The following KCNH1 variants were observed in gnomAD, a reference collection of about 807,000 sequenced individuals.
The protein encoded by KCNH1 is voltage-gated delayed rectifier potassium channel KCNH1.
Under a neutral mutation model 69.2 loss-of-function variants are expected in KCNH1, and 27 were observed. The observed-to-expected ratio is 0.39, with a 90% CI of 0.29 to 0.54. The LOEUF is 0.54. KCNH1 is among the 20% of genes least tolerant of loss of function. The pLI, the probability that KCNH1 is intolerant of heterozygous loss-of-function variation, is 0.68. For missense variants in KCNH1, 798 were observed against 1,261.6 expected, an observed-to-expected ratio of 0.63 and a Z score of 5.57; for synonymous variants, 456 against 487.7, an observed-to-expected ratio of 0.93 and a Z score of 0.86.
intron 10 of KCNH1, among the ~76,000 whole-genome samples, chr1:210,714,703 C>T (rs1307666165): frequency 6.6e-6 from 1 of 152,176 alleles, no homozygotes; most frequent in East Asian, 1.9e-4. Flanking sequence ...ATGATACCAT[C>T]CCTGCCTTCA....
intron 5 of KCNH1, among the ~76,000 whole-genome samples, chr1:211,065,569 A>G (rs1028280946): frequency 6.6e-6 from 1 of 152,188 alleles, no homozygotes; most frequent in African/African-American, 2.4e-5. Flanking sequence ...ATTGTATAAC[A>G]TGATGACTAT....
At chr1:211,124,875 G>C (rs1691750949) in intron 1 of KCNH1, among the ~76,000 whole-genome samples, 1 of 152,186 alleles carries the variant, frequency 6.6e-6, no homozygotes, top group Admixed American at 6.5e-5. Flanking sequence ...CTTGGTATAA[G>C]CAGTTTTCAA....
chr1:211,054,317 C>A (rs1571610874), intron 5 of KCNH1, among the ~76,000 whole-genome samples: 3 of 151,930 alleles, frequency 2.0e-5, no homozygotes, highest in African/African-American at 7.2e-5. Flanking sequence ...AAACAAAAAT[C>A]TCAATGAACA....
At chr1:210,813,373 T>C (rs576134284) in intron 7 of KCNH1, among the ~76,000 whole-genome samples, 19 of 152,206 alleles carry the variant, frequency 1.2e-4, no homozygotes, top group Non-Finnish European at 2.1e-4. Context: ...CTTTGATGTA[T>C]TAGCTGAAAT....
intron 5 of KCNH1, among the ~76,000 whole-genome samples, chr1:211,055,193 C>A (rs1690282702): frequency 6.6e-6 from 1 of 152,300 alleles, no homozygotes; most frequent in East Asian, 1.9e-4. Flanking sequence ...ATTGCCTATA[C>A]CACCCCTCCC....
intron 9 of KCNH1, among the ~76,000 whole-genome samples, chr1:210,781,166 G>A (rs1683974570): frequency 6.6e-6 from 1 of 152,136 alleles, no homozygotes; most frequent in South Asian, 2.1e-4. Context: ...ATCCTTGGAG[G>A]AAAGTGCCTG....
chr1:210,881,715 T>C (rs1225076289), intron 7 of KCNH1, among the ~76,000 whole-genome samples: 1 of 152,202 alleles, frequency 6.6e-6, no homozygotes, highest in African/African-American at 2.4e-5. Flanking sequence ...AGAAATGAGT[T>C]ATGAAGCCAT....
chr1:210,790,096 C>T (rs1394167743), intron 9 of KCNH1, among the ~76,000 whole-genome samples: 1 of 152,220 alleles, frequency 6.6e-6, no homozygotes. Flanking sequence ...TTTCCCAATT[C>T]TTTTCAAATG....
rs765170558 is a variant in KCNH1, at chr1:211,035,236, C to CTTTTTTTTTT, written c.559-15990_559-15981dup. 2.9e-4 allele frequency among the ~76,000 whole-genome samples: 22 copies of CTTTTTTTTTT among 75,050 alleles called. 2 individuals are homozygous for CTTTTTTTTTT. The highest frequency in any genetic ancestry group is 6.1e-4 in the South Asian group (1 of 1,630). The allele number at this position is 75,050 out of a possible 152,430, so 49.2% of individuals were successfully genotyped here. A position where few individuals can be genotyped will look rare whatever the true frequency, so the allele number is the denominator to read the frequency against. On this transcript the variant is annotated intron_variant, in intron 5 of 10. Coordinates refer to ENST00000271751, the MANE Select transcript of KCNH1 (RefSeq NM_172362.3). ...ATTTAAACCATAGGGTACTGGCATT[C>CTTTTTTTTTT]TTTTTTTTTTTTTTTTTTTTTTTTT...
intron 1 of KCNH1, among the ~76,000 whole-genome samples, chr1:211,131,567 C>T (rs1352349963): frequency 6.6e-6 from 1 of 151,948 alleles, no homozygotes; most frequent in Admixed American, 6.6e-5. Flanking sequence ...ATTTTAATAC[C>T]GTAATGTCCA....
At chr1:211,125,722 C>T (rs1691766599) in intron 1 of KCNH1, among the ~76,000 whole-genome samples, 1 of 152,200 alleles carries the variant, frequency 6.6e-6, no homozygotes, top group Admixed American at 6.5e-5. Flanking sequence ...CGTTTCTCTT[C>T]TTTATAGAAG....
At chr1:211,054,108 A>G (rs1690259088) in intron 5 of KCNH1, among the ~76,000 whole-genome samples, 1 of 150,538 alleles carries the variant, frequency 6.6e-6, no homozygotes, top group Admixed American at 6.6e-5. Context: ...CACCTCTACT[A>G]AAAATAATAC....
chr1:211,084,873 A>T (rs1690925811), intron 4 of KCNH1, among the ~76,000 whole-genome samples: 1 of 152,230 alleles, frequency 6.6e-6, no homozygotes, highest in African/African-American at 2.4e-5. Context: ...GCATGGTACT[A>T]GATACTAGAG....
chr1:211,050,260 T>TAAAAAAAAAAAAAAAAAAA lies in KCNH1; in HGVS notation c.559-31023_559-31005dup, dbSNP rs747498526. 6.8e-3 allele frequency among the ~76,000 whole-genome samples: 399 copies of TAAAAAAAAAAAAAAAAAAA among 58,526 alleles called. 61 individuals are homozygous for TAAAAAAAAAAAAAAAAAAA. The highest frequency in any genetic ancestry group is 9.2e-3 in the Non-Finnish European group (298 of 32,540). The allele number at this position is 58,526 out of a possible 152,430, so 38.4% of individuals were successfully genotyped here. A position where few individuals can be genotyped will look rare whatever the true frequency, so the allele number is the denominator to read the frequency against. On this transcript the variant is annotated intron_variant, in intron 5 of 10. Transcript: ENST00000271751. ...AGGACAAACTCAGCCCACACATTCT[T>TAAAAAAAAAAAAAAAAAAA]AAAAAAAAAAAAAAAAAAAAAAAAA...
At chr1:210,859,857 T>C (rs1685937793) in intron 7 of KCNH1, 1 of 1,165,680 alleles carries the variant, frequency 8.6e-7, no homozygotes, top group Non-Finnish European at 1.3e-6. Context: ...TGGTTCAACA[T>C]TATTAGGGAA....
At chr1:210,922,151 G>A (rs1463563203) in intron 6 of KCNH1, among the ~76,000 whole-genome samples, 1 of 151,990 alleles carries the variant, frequency 6.6e-6, no homozygotes, top group East Asian at 1.9e-4. Flanking sequence ...GGAGGCCGAG[G>A]CGGGCAGATC....
At chr1:211,080,439 G>C (rs1429509841) in intron 5 of KCNH1, among the ~76,000 whole-genome samples, 1 of 152,172 alleles carries the variant, frequency 6.6e-6, no homozygotes, top group East Asian at 1.9e-4. Flanking sequence ...AGCTACCAAT[G>C]ACTTTCTTCA....
intron 7 of KCNH1, among the ~76,000 whole-genome samples, chr1:210,810,104 T>C (rs190909325): frequency 1.0e-3 from 159 of 152,206 alleles, no homozygotes; most frequent in African/African-American, 3.8e-3. Flanking sequence ...TTCTAATAGC[T>C]TTCTGAAAAA....
chr1:210,755,381 A>G (rs1234009020), intron 10 of KCNH1, among the ~76,000 whole-genome samples: 2 of 152,232 alleles, frequency 1.3e-5, no homozygotes, highest in African/African-American at 2.4e-5. Flanking sequence ...AACCTGAGAG[A>G]AATGTCAGAG....
Sources: allele counts gnomAD v4.1 joint callset (sites outside exome capture counted in the v4.1 genomes callset), GRCh38; gene constraint gnomAD v4.1.1; transcripts MANE v1.5; gene names NCBI Gene and HGNC (gene_info 2026-07-23, HGNC 2026-07-21).